The following PRPF19 variants were observed in gnomAD, a reference collection of about 807,000 sequenced individuals.
PRPF19 encodes the protein pre-mRNA processing factor 19.
PRPF19 carries 2 observed loss-of-function variants against 64.2 expected under a neutral mutation model. The ratio of observed to expected loss-of-function variants is 0.03; its 90% CI spans 0.01 to 0.10. PRPF19 has a LOEUF of 0.10. PRPF19 is among the 10% of genes least tolerant of loss of function. The probability of loss-of-function intolerance (pLI) is 1.00; values close to 1 mark genes in which losing one functional copy is unlikely to be tolerated. For synonymous variants in PRPF19, 226 were observed against 251.6 expected, an observed-to-expected ratio of 0.90 and a Z score of 0.96; for missense variants, 314 against 650.0, an observed-to-expected ratio of 0.48 and a Z score of 5.62.
chr11:60,893,488 A>G (rs1309512874), intron 15 of PRPF19, among the ~76,000 whole-genome samples: 1 of 149,894 alleles, frequency 6.7e-6, no homozygotes, highest in East Asian at 2.0e-4. Context: ...TGGGTGACAG[A>G]GCAAGACTCA....
At chr11:60,891,938 G>A (rs141563846) in intron 15 of PRPF19, among the ~76,000 whole-genome samples, 7 of 152,160 alleles carry the variant, frequency 4.6e-5, no homozygotes, top group East Asian at 3.8e-4. Flanking sequence ...AGGAGAATAC[G>A]GGGCAAGAAG....
Position 60,902,592 on chromosome 11 carries a change from T to G in PRPF19, c.453A>C (p.Pro151=). The G allele has an allele frequency of 6.2e-7, 1 of 1,613,728 alleles. No homozygotes were observed. Among genetic ancestry groups the G allele is most frequent in the Non-Finnish European group, 8.5e-7 (1 of 1,179,656 alleles). ...IVPQAVPSSQ[P]SVVGAGEPMD... is the part of the protein sequence containing the mutation. ...GAAGGGGGACACTTACCACAACACT[T>G]GGTTGGGAACTTGGCACAGCCTGGG... Residue 151 remains proline (P), a synonymous_variant, in exon 5 of 16, where the codon CCA becomes CCC. Coordinates refer to ENST00000227524, the MANE Select transcript of PRPF19 (RefSeq NM_014502.5). This position sits in a 1 kb window ranked among gnomAD's most constrained non-coding sequence, Gnocchi z 5.0.
chr11:60,893,481 G>C (rs1359043788), intron 15 of PRPF19, among the ~76,000 whole-genome samples: 2 of 151,060 alleles, frequency 1.3e-5, no homozygotes, highest in East Asian at 3.9e-4. Flanking sequence ...TCCAGCCTGG[G>C]TGACAGAGCA....
At chr11:60,894,640 C>T (rs1034583249) in intron 15 of PRPF19, among the ~76,000 whole-genome samples, 1 of 152,208 alleles carries the variant, frequency 6.6e-6, no homozygotes, top group African/African-American at 2.4e-5. Context: ...GTTTAACCTC[C>T]TCCCATGAAT....
In PRPF19 at chr11:60,898,461, A is replaced by C; in HGVS notation, c.1140+80T>G. ...CTCTCCACCTTCAGGGCCAGGTGCC[A>C]CAAGCACCTAATTAGCACTGCATTG... On this transcript the variant is annotated intron_variant, in intron 13 of 15. Coordinates refer to ENST00000227524, the MANE Select transcript of PRPF19 (RefSeq NM_014502.5). The surrounding 1 kb of genome is among the most constrained non-coding windows in gnomAD (Gnocchi z 4.6). 1 of 1,601,762 alleles carries C rather than the reference A, an allele frequency of 6.2e-7. No homozygotes were observed. Among genetic ancestry groups the C allele is most frequent in the Non-Finnish European group, 8.5e-7 (1 of 1,172,522 alleles).
At chr11:60,897,519 T>C (rs933425273) in intron 15 of PRPF19, 2 of 237,302 alleles carry the variant, frequency 8.4e-6, no homozygotes, top group Non-Finnish European at 1.7e-5. Flanking sequence ...CTCCCGTGCA[T>C]ATGCACGTAA....
intron 15 of PRPF19, among the ~76,000 whole-genome samples, chr11:60,896,157 A>G (rs4939474): frequency 0.49 from 74,250 of 152,030 alleles, 18,477 homozygotes; most frequent in African/African-American, 0.56. Context: ...CAATAAAGCT[A>G]AGTGCAATAA....
At position 60,902,709 on chromosome 11, in the gene PRPF19, A is replaced by G; in HGVS notation, c.388+31T>C. Reference sequence around the variant, plus strand: ...GGATATTACAATGCAGAACCAGCCCAGGGTGGGGGATGGCAGGGGAGAGGC... The same window carrying G: ...GGATATTACAATGCAGAACCAGCCCGGGGTGGGGGATGGCAGGGGAGAGGC... On this transcript the variant is annotated intron_variant, in intron 4 of 15. Transcript: ENST00000227524. This position sits in a 1 kb window ranked among gnomAD's most constrained non-coding sequence, Gnocchi z 5.0. 6.2e-7 allele frequency: 1 copy of G among 1,614,222 alleles called. No individual in the cohort carries two copies.
intron 1 of PRPF19, among the ~76,000 whole-genome samples, chr11:60,904,534 C>T (rs1856021063): frequency 6.6e-6 from 1 of 152,202 alleles, no homozygotes; most frequent in South Asian, 2.1e-4. Context: ...TCTGATCTAC[C>T]AGCTGTAAAT....
In PRPF19 at chr11:60,891,223, G is replaced by A. The variant is rs751325779; in HGVS notation, c.1458C>T (p.His486=). ...TGCCTGTTGAAGCGATGAACTTGGC[G>A]TGATGCCCGAAGGCCACCCCTGTGG... ...GLTTGVAFGH[H]AKFIASTGMD... is the part of the protein sequence containing the mutation. The change falls in exon 16 of 16, where the codon CAC becomes CAT. Residue 486 remains histidine, a synonymous_variant. Transcript: ENST00000227524. The A allele has an allele frequency of 8.1e-6, 13 of 1,613,396 alleles. No homozygotes were observed. The highest frequency in any genetic ancestry group is 1.1e-5 in the Non-Finnish European group (13 of 1,179,806).
chr11:60,893,734 C>T (rs1176569826), intron 15 of PRPF19, among the ~76,000 whole-genome samples: 1 of 152,060 alleles, frequency 6.6e-6, no homozygotes, highest in South Asian at 2.1e-4. Flanking sequence ...GCAGGTGGAT[C>T]GCTTGAGTTC....
intron 9 of PRPF19, 37 bp downstream of exon 9, chr11:60,900,817 C>T: frequency 6.2e-7 from 1 of 1,612,230 alleles, no homozygotes. Flanking sequence ...GCTGCCCCTC[C>T]CCACTTTGGC....
Position 60,890,694 on chromosome 11 carries a change from C to A in PRPF19, c.*472G>T. ...CCCTTGACCTTCCCAGTCCCAGGTG[C>A]TCCTGGTGCAGACAGACACGGGGAG... On this transcript the variant is annotated 3_prime_UTR_variant, in exon 16 of 16. Coordinates refer to ENST00000227524, the MANE Select transcript of PRPF19 (RefSeq NM_014502.5). 1 of 454,526 alleles carries A rather than the reference C, an allele frequency of 2.2e-6. No individual in the cohort carries two copies. The highest frequency in any genetic ancestry group is 7.0e-5 in the East Asian group (1 of 14,378). The allele number at this position is 454,526 out of a possible 1,614,324, so 28.2% of individuals were successfully genotyped here.
At chr11:60,891,870 G>A (rs554835751) in intron 15 of PRPF19, among the ~76,000 whole-genome samples, 5 of 152,182 alleles carry the variant, frequency 3.3e-5, no homozygotes, top group Non-Finnish European at 7.3e-5. Context: ...GGTGAAAACC[G>A]GTGAGCCATA....
In PRPF19 at chr11:60,899,375, G is replaced by A; in HGVS notation, c.829-71C>T. On this transcript the variant is annotated intron_variant, in intron 10 of 15. Transcript: ENST00000227524. Reference sequence around the variant, plus strand: ...CAGACCAAAACAATCTTATAAAACGGGGCTGGGGATGCCCACAACTGCCAA... The same window carrying A: ...CAGACCAAAACAATCTTATAAAACGAGGCTGGGGATGCCCACAACTGCCAA... The A allele has an allele frequency of 4.0e-6, 6 of 1,483,654 alleles. No individual in the cohort carries two copies. The South Asian group carries it at 7.3e-5, about 18-fold the overall frequency. The allele number at this position is 1,483,654 out of a possible 1,614,324, so 91.9% of individuals were successfully genotyped here.
At chr11:60,899,104 C>A (rs745650153) in intron 11 of PRPF19, 45 bp downstream of exon 11, 2 of 1,581,706 alleles carry the variant, frequency 1.3e-6, no homozygotes, top group South Asian at 2.3e-5. Flanking sequence ...GATGTTCAAG[C>A]TTGGGGACCA....
At chr11:60,900,425 C>T (rs995359274) in intron 10 of PRPF19, among the ~76,000 whole-genome samples, 157 bp downstream of exon 10, 12 of 152,196 alleles carry the variant, frequency 7.9e-5, no homozygotes, top group African/African-American at 2.7e-4. Context: ...GAGTGAAGGG[C>T]AATCTCCACA....
At chr11:60,896,242 A>ATAC (rs1855919600) in intron 15 of PRPF19, among the ~76,000 whole-genome samples, 1 of 152,238 alleles carries the variant, frequency 6.6e-6, no homozygotes, top group East Asian at 1.9e-4. Flanking sequence ...AGTTAACTGT[A>ATAC]AAACAGCACC....
intron 15 of PRPF19, among the ~76,000 whole-genome samples, chr11:60,896,372 C>T (rs1565109898): frequency 6.6e-6 from 1 of 152,208 alleles, no homozygotes; most frequent in Non-Finnish European, 1.5e-5. Context: ...AGGTAGAAGA[C>T]AGTGATGTTG....
Sources: gnomAD v4.1 joint callset for allele counts (sites outside exome capture counted in the v4.1 genomes callset) on GRCh38, gnomAD v4.1.1 for gene constraint, Gnocchi (gnomAD v3.1) non-coding constraint, MANE v1.5 for transcripts, NCBI Gene and HGNC (gene_info 2026-07-23, HGNC 2026-07-21) for gene names.